Variants in ZNF416 observed in about 807,000 individuals in gnomAD.
ZNF416 encodes the protein zinc finger protein 416.
ZNF416 carries 5 observed loss-of-function variants against 10.9 expected under a neutral mutation model. That is an observed-to-expected ratio of 0.46 (90% confidence interval 0.24 to 0.97). The LOEUF (loss-of-function observed/expected upper bound fraction) is 0.97, where lower values mean the gene tolerates loss of function less well. Among genes scored for constraint, ZNF416 ranks in the 50% least tolerant of loss-of-function variants. The probability of loss-of-function intolerance (pLI) is 0.19; values close to 1 mark genes in which losing one functional copy is unlikely to be tolerated. For synonymous variants in ZNF416, 267 were observed against 251.8 expected (o/e 1.06, Z -0.57); for missense variants, 675 against 715.0 (o/e 0.94, Z 0.64).
Position 57,578,075 on chromosome 19 carries a change from T to C in ZNF416, c.57A>G (p.Lys19=). 6.2e-7 allele frequency: 1 copy of C among 1,614,116 alleles called. No individual in the cohort carries two copies. Among genetic ancestry groups the C allele is most frequent in the Non-Finnish European group, 8.5e-7 (1 of 1,180,018 alleles). ...STSVPVTAEA[K]LMGFTQGCVT... is the part of the protein sequence containing the mutation. ...CACTCACCTGTGTAAAGCCCATAAG[T>C]TTAGCTTCTGCAGTCACGGGAACCT... Residue 19 remains lysine (K), a synonymous_variant, in exon 2 of 4, where the codon AAA becomes AAG. Transcript: ENST00000196489.
At chr19:57,577,268 A>AGAT (rs10648250) in intron 2 of ZNF416, among the ~76,000 whole-genome samples, 49,360 of 151,780 alleles carry the variant, frequency 0.33, 8,214 homozygotes, top group Middle Eastern at 0.41. Flanking sequence ...GGCCATGTTC[A>AGAT]GATGATTTTT....
chr19:57,575,128 C>A lies in ZNF416; in HGVS notation c.202+676G>T, dbSNP rs1391919113. ...GCACCAAACTCTGGATGACACAGGG[C>A]AAATTCCTGGTAAGATTAGAAAACA... On this transcript the variant is annotated intron_variant, in intron 3 of 3. Transcript: ENST00000196489. The surrounding 1 kb of genome is among the most constrained non-coding windows in gnomAD (Gnocchi z 4.4). Among the ~76,000 whole-genome samples the A allele has an allele frequency of 6.6e-6, 1 of 152,180 alleles. No individual in the cohort carries two copies. Among genetic ancestry groups the A allele is most frequent in the African/African-American group, 2.4e-5 (1 of 41,442 alleles).
intron 1 of ZNF416, 65 bp from the exon 2 acceptor site, chr19:57,578,163 CCTT>C (rs1978614982): frequency 6.5e-7 from 1 of 1,539,702 alleles, no homozygotes; most frequent in Non-Finnish European, 9.0e-7. Flanking sequence ...GCTGATGCCT[CCTT>C]GTTTCCCTGC....
intron 2 of ZNF416, 22 bp downstream of exon 2, chr19:57,578,035 G>A (rs1238303544): frequency 6.2e-7 from 1 of 1,613,878 alleles, no homozygotes; most frequent in East Asian, 2.2e-5. Context: ...ATCAGTGAGG[G>A]CCCGAAACAC....
At chr19:57,573,729 G>A (rs1978419000) in intron 3 of ZNF416, 28 bp from the exon 4 acceptor site, 1 of 1,593,624 alleles carries the variant, frequency 6.3e-7, no homozygotes, top group Admixed American at 1.7e-5. Context: ...CTGATGAAAT[G>A]CACGTTGACT....
Position 57,572,523 on chromosome 19 carries a change from T to A in ZNF416, c.1381A>T (p.Thr461Ser). Residue 461 changes from threonine to serine, a missense_variant, in exon 4 of 4, where the codon ACT becomes TCT. Coordinates refer to ENST00000196489, the MANE Select transcript of ZNF416 (RefSeq NM_017879.3). This position sits in a 1 kb window ranked among gnomAD's most constrained non-coding sequence, Gnocchi z 4.5. ...CCACATACATAAGGCCTTTCTGCAGTGTGAACTTTGTGGTGTTTATTGAGG... is the reference window on the plus strand; with the variant it reads ...CCACATACATAAGGCCTTTCTGCAGAGTGAACTTTGTGGTGTTTATTGAGG... Reference protein sequence around the residue: ...TTLNKHHKVHTAERPYVCGEC... With the variant: ...TTLNKHHKVHSAERPYVCGEC... The A allele has an allele frequency of 6.2e-7, 1 of 1,614,134 alleles. No homozygotes were observed. Among genetic ancestry groups the A allele is most frequent in the Non-Finnish European group, 8.5e-7 (1 of 1,180,018 alleles).
rs746390993 is a variant in ZNF416, at chr19:57,578,827, C to T, written c.-123G>A. On this transcript the variant is annotated 5_prime_UTR_variant, in exon 1 of 4. Transcript: ENST00000196489. Reference sequence around the variant, plus strand: ...CAGCGGGGCGACCCCCGCTCTGTGCCGGAGGCAGCGTTTCTAACTCAGGCG... The same window carrying T: ...CAGCGGGGCGACCCCCGCTCTGTGCTGGAGGCAGCGTTTCTAACTCAGGCG... The T allele has an allele frequency of 1.1e-5, 11 of 1,004,278 alleles. No individual in the cohort carries two copies. Among genetic ancestry groups the T allele is most frequent in the African/African-American group, 1.7e-5 (1 of 58,922 alleles). 62.2% of individuals were successfully genotyped at this position (1,004,278 alleles called of 1,614,324 possible). A position where few individuals can be genotyped will look rare whatever the true frequency, so the allele number is the denominator to read the frequency against.
At chr19:57,576,976 T>A (rs1292389760) in intron 2 of ZNF416, among the ~76,000 whole-genome samples, 2 of 148,768 alleles carry the variant, frequency 1.3e-5, no homozygotes, top group African/African-American at 2.5e-5. Flanking sequence ...ATACCTGTCT[T>A]TGTGATTCCC....
Position 57,572,592 on chromosome 19 carries a change from AG to A in ZNF416, c.1311del (p.Phe438LeufsTer82). 6.2e-7 allele frequency: 1 copy of A among 1,614,088 alleles called. No individual in the cohort carries two copies. The highest frequency in any genetic ancestry group is 8.5e-7 in the Non-Finnish European group (1 of 1,180,028). On this transcript the variant is annotated frameshift_variant, in exon 4 of 4. Transcript: ENST00000196489. LOFTEE classifies it low-confidence loss of function (END_TRUNC). This position sits in a 1 kb window ranked among gnomAD's most constrained non-coding sequence, Gnocchi z 4.5. ...GATTTTCCGCACTCATCACACTCAA[AG>A]GGCCTAGCTCCACTGTGAATTAACT... The part of the protein sequence containing the change: ...QHQLIHSGAR[P>X]FECDECGKSF...
chr19:57,573,652 A>G lies in ZNF416; in HGVS notation c.252T>C (p.Ser84=), dbSNP rs763351066. The G allele has an allele frequency of 5.6e-6, 9 of 1,614,218 alleles. No individual in the cohort carries two copies. In the East Asian group the frequency reaches 1.8e-4, roughly 32 times the overall value. ...EDEETPEQSV[S]VEGVPQVRTP... The stretch of plus-strand genomic sequence containing the variant: ...TCCTGACCTGAGGTACTCCTTCTAC[A>G]GAAACACTTTGCTCAGGTGTCTCTT... The change falls in exon 4 of 4, where the codon TCT becomes TCC. Residue 84 remains serine (S), a synonymous_variant. Transcript: ENST00000196489.
intron 1 of ZNF416, 163 bp downstream of exon 1, chr19:57,578,509 A>G: frequency 1.3e-6 from 1 of 770,700 alleles, no homozygotes; most frequent in South Asian, 2.6e-5. Flanking sequence ...CACACCCTCC[A>G]CAGCCCACGA....
Position 57,578,672 on chromosome 19 carries a change from C to G in ZNF416, c.33G>C (p.Ser11=). The G allele has an allele frequency of 6.4e-7, 1 of 1,555,790 alleles. No individual in the cohort carries two copies. The highest frequency in any genetic ancestry group is 1.2e-5 in the South Asian group (1 of 84,020). MAAAVLRDST[S]VPVTAEAKLM... is the part of the protein sequence containing the mutation. Reference sequence around the variant, plus strand: ...GAGGCCCGGGAGACGCAGCACTCACCGAAGTCGAATCCCTAAGCACGGCCG... The same window carrying G: ...GAGGCCCGGGAGACGCAGCACTCACGGAAGTCGAATCCCTAAGCACGGCCG... Residue 11 remains serine (S), a splice_region_variant and synonymous_variant, in exon 1 of 4, where the codon TCG becomes TCC. Coordinates refer to ENST00000196489, the MANE Select transcript of ZNF416 (RefSeq NM_017879.3).
rs575053627 is a variant in ZNF416 at position 57,574,489 on chromosome 19, C to G, written c.203-788G>C. Among the ~76,000 whole-genome samples, 39 of 152,322 alleles carry G rather than the reference C, an allele frequency of 2.6e-4. 1 individual carries two copies. Among genetic ancestry groups the G allele is most frequent in the Middle Eastern group, 3.4e-3 (1 of 294 alleles). On this transcript the variant is annotated intron_variant, in intron 3 of 3. Coordinates refer to ENST00000196489, the MANE Select transcript of ZNF416 (RefSeq NM_017879.3). ...TAAATTCCTATGTCACTGACATTAA[C>G]CTCTCTGTATTGGCACTCTACTACC...
Position 57,572,600 on chromosome 19 carries a change from G to A in ZNF416, c.1304C>T (p.Ala435Val), listed in dbSNP as rs781214946. Residue 435 changes from alanine to valine, a missense_variant, in exon 4 of 4, where the codon GCT becomes GTT. Ala to Val is a moderately conservative substitution (Grantham distance 64). Transcript: ENST00000196489. This position sits in a 1 kb window ranked among gnomAD's most constrained non-coding sequence, Gnocchi z 4.5. ...GCACTCATCACACTCAAAGGGCCTAGCTCCACTGTGAATTAACTGGTGCTG... is the reference window on the plus strand; with the variant it reads ...GCACTCATCACACTCAAAGGGCCTAACTCCACTGTGAATTAACTGGTGCTG... ...LIQHQLIHSG[A>V]RPFECDECGK... The A allele has an allele frequency of 1.2e-6, 2 of 1,613,938 alleles. No individual in the cohort carries two copies. The highest frequency in any genetic ancestry group is 1.7e-6 in the Non-Finnish European group (2 of 1,179,992).
rs996588236 is a variant in ZNF416 at position 57,575,558 on chromosome 19, G to A, written c.202+246C>T. ...ATGGACACAGCCACCCAAAGAGGAA[G>A]TGAAGAAGTAAACGGAGATGCATTA... On this transcript the variant is annotated intron_variant, in intron 3 of 3. Coordinates refer to ENST00000196489, the MANE Select transcript of ZNF416 (RefSeq NM_017879.3). This position sits in a 1 kb window ranked among gnomAD's most constrained non-coding sequence, Gnocchi z 4.4. 3.3e-5 allele frequency among the ~76,000 whole-genome samples: 5 copies of A among 152,214 alleles called. No individual in the cohort carries two copies. The highest frequency in any genetic ancestry group is 1.2e-4 in the African/African-American group (5 of 41,452).
intron 2 of ZNF416, among the ~76,000 whole-genome samples, chr19:57,576,709 C>T (rs1978550046): frequency 6.6e-6 from 1 of 152,030 alleles, no homozygotes; most frequent in Non-Finnish European, 1.5e-5. Context: ...ACCCCCACAC[C>T]TCAGGCCCAA....
chr19:57,572,344 C>A lies in ZNF416; in HGVS notation c.1560G>T (p.Arg520Ser). Residue 520 changes from arginine (R) to serine (S), a missense_variant, in exon 4 of 4, where the codon AGG becomes AGT. Coordinates refer to ENST00000196489, the MANE Select transcript of ZNF416 (RefSeq NM_017879.3). This position sits in a 1 kb window ranked among gnomAD's most constrained non-coding sequence, Gnocchi z 4.5. ...VEHQKIHTGL[R>S]PYDCGQCGKS... ...TCCCGCACTGTCCACAGTCGTAAGG[C>A]CTTAATCCAGTGTGAATTTTCTGGT... is the stretch of plus-strand genomic sequence containing the variant. The A allele has an allele frequency of 6.2e-7, 1 of 1,614,142 alleles. No homozygotes were observed. The highest frequency in any genetic ancestry group is 8.5e-7 in the Non-Finnish European group (1 of 1,180,026).
At chr19:57,578,626 TTTCCGGCGGA>T in intron 1 of ZNF416, 36 bp downstream of exon 1, 3 of 1,514,066 alleles carry the variant, frequency 2.0e-6, no homozygotes, top group South Asian at 2.5e-5. Context: ...GGGTGTTGGA[TTTCCGGCGGA>T]GAGGGCAGGT....
chr19:57,578,784 G>A lies in ZNF416; in HGVS notation c.-80C>T. ...AGGCACGGCTGCCACCAGCGCCAGC[G>A]ACCCACCGGCTGATGCGCAGCGGGG... On this transcript the variant is annotated 5_prime_UTR_variant, in exon 1 of 4. Transcript: ENST00000196489. The A allele has an allele frequency of 7.5e-7, 1 of 1,339,556 alleles. No homozygotes were observed. Among genetic ancestry groups the A allele is most frequent in the Non-Finnish European group, 9.7e-7 (1 of 1,025,802 alleles). The allele number at this position is 1,339,556 out of a possible 1,614,324, so 83.0% of individuals were successfully genotyped here.
Sources: gnomAD v4.1 joint callset for allele counts (sites outside exome capture counted in the v4.1 genomes callset) on GRCh38, gnomAD v4.1.1 for gene constraint, Gnocchi (gnomAD v3.1) non-coding constraint, MANE v1.5 for transcripts, NCBI Gene and HGNC (gene_info 2026-07-23, HGNC 2026-07-21) for gene names.